CR1: variants seen among roughly 807,000 people sequenced by gnomAD.
The protein encoded by CR1 is complement receptor type 1.
Under a neutral mutation model 187.3 loss-of-function variants are expected in CR1, and 116 were observed. The observed-to-expected ratio is 0.62, with a 90% CI of 0.53 to 0.72. The LOEUF is 0.72. Ranked by LOEUF, CR1 falls within the 30% of genes least tolerant of loss-of-function variation. The pLI is 0.00. For missense variants in CR1, 1,731 were observed against 2,110.7 expected (o/e 0.82, Z 3.52); for synonymous variants, 576 against 747.1 (o/e 0.77, Z 3.73).
intron 46 of CR1, among the ~76,000 whole-genome samples, chr1:207,639,016 A>G (rs892863583): frequency 9.2e-5 from 14 of 152,200 alleles, no homozygotes; most frequent in South Asian, 2.1e-4. Flanking sequence ...GAAAACCCTG[A>G]GGAACAAAGG....
At chr1:207,564,472 A>G (rs1471900795) in intron 23 of CR1, among the ~76,000 whole-genome samples, 2 of 150,242 alleles carry the variant, frequency 1.3e-5, no homozygotes, top group Non-Finnish European at 2.9e-5. Context: ...GGCAAGTATA[A>G]CTAGTGGTTA....
rs1004373685 is a variant in CR1, at chr1:207,566,484, A to G, written c.3952+561A>G. 9.3e-5 allele frequency among the ~76,000 whole-genome samples: 14 copies of G among 150,346 alleles called. 3 individuals are homozygous for G. The highest frequency in any genetic ancestry group is 3.5e-4 in the African/African-American group (14 of 39,776). On this transcript the variant is annotated intron_variant, in intron 24 of 46. Transcript: ENST00000367049. ...GGAGTTATATCAATGAACAAGATGG[A>G]TGAATTCCCTGTCCCCATGTTGTTT...
chr1:207,622,905 A>G (rs181151992), intron 44 of CR1, 88 bp from the exon 45 acceptor site: 2 of 883,572 alleles, frequency 2.3e-6, no homozygotes, highest in East Asian at 5.3e-5. Context: ...AGCATTGGCA[A>G]TCTGTAGTGG....
intron 40 of CR1, among the ~76,000 whole-genome samples, chr1:207,616,236 T>C (rs1461207471): frequency 2.6e-5 from 4 of 152,158 alleles, no homozygotes; most frequent in Non-Finnish European, 5.9e-5. Context: ...TTGAACCTCA[T>C]TGTCAACTCA....
intron 33 of CR1, among the ~76,000 whole-genome samples, chr1:207,586,124 T>TTG (rs3219612): frequency 0.42 from 63,141 of 149,894 alleles, 15,168 homozygotes; most frequent in African/African-American, 0.66. Context: ...TTGTTTTGTT[T>TTG]TGTGTGTGTG....
chr1:207,523,634 A>G lies in CR1; in HGVS notation c.511A>G (p.Thr171Ala). 6 of 1,613,982 alleles carry G rather than the reference A, an allele frequency of 3.7e-6. No individual in the cohort carries two copies. The highest frequency in any genetic ancestry group is 5.1e-6 in the Non-Finnish European group (6 of 1,179,896). ...AGGAATTCCTTGTGGGCTACCCCCC[A>G]CCATCACCAATGGAGATTTCATTAG... ...CDRIPCGLPP[T>A]ITNGDFISTN... Residue 171 changes from threonine (T) to alanine (A), a missense_variant, in exon 5 of 47, where the codon ACC becomes GCC. Coordinates refer to ENST00000367049, the MANE Select transcript of CR1 (RefSeq NM_000651.6).
In CR1 at chr1:207,623,054, A is replaced by C. The variant is rs1662361036; in HGVS notation, c.7338A>C (p.Leu2446=). ...TCATTTTCCTCTCTTGGATAATTCT[A>C]AAGCACAGAAAAGGGTAAGTATAGC... ...LLIIFLSWII[L]KHRKGNNAHE... Residue 2446 remains leucine, a synonymous_variant, in exon 45 of 47, where the codon CTA becomes CTC. Coordinates refer to ENST00000367049, the MANE Select transcript of CR1 (RefSeq NM_000651.6). 1 of 1,574,796 alleles carries C rather than the reference A, an allele frequency of 6.4e-7. No individual in the cohort carries two copies. The highest frequency in any genetic ancestry group is 1.8e-5 in the Admixed American group (1 of 54,604).
At chr1:207,598,599 T>C (rs1571578207) in intron 35 of CR1, among the ~76,000 whole-genome samples, 1 of 152,202 alleles carries the variant, frequency 6.6e-6, no homozygotes, top group South Asian at 2.1e-4. Context: ...TCTGTATTTA[T>C]AGTAGAGACA....
intron 35 of CR1, among the ~76,000 whole-genome samples, chr1:207,590,402 G>A (rs1661236610): frequency 6.6e-6 from 1 of 152,164 alleles, no homozygotes; most frequent in Non-Finnish European, 1.5e-5. Flanking sequence ...TTACAGACAA[G>A]CAAATGCTGA....
chr1:207,496,451 A>T, intron 1 of CR1, 63 bp downstream of exon 1: 2 of 1,513,726 alleles, frequency 1.3e-6, no homozygotes, highest in South Asian at 2.4e-5. Flanking sequence ...CCCCGCAGAG[A>T]ACTCGCGTGC....
At chr1:207,566,570 C>G (rs1221743993) in intron 24 of CR1, among the ~76,000 whole-genome samples, 1 of 150,042 alleles carries the variant, frequency 6.7e-6, no homozygotes, top group Non-Finnish European at 1.5e-5. Context: ...GACAATAGAG[C>G]AAAGCACTGA....
chr1:207,499,750 A>G (rs1345767800), intron 1 of CR1, among the ~76,000 whole-genome samples: 2 of 152,194 alleles, frequency 1.3e-5, no homozygotes, highest in Non-Finnish European at 1.5e-5. Flanking sequence ...AAGGTGCAAG[A>G]TAGAAGGGAA....
chr1:207,594,246 A>G (rs1478313079), intron 35 of CR1, among the ~76,000 whole-genome samples: 1 of 152,238 alleles, frequency 6.6e-6, no homozygotes, highest in African/African-American at 2.4e-5. Context: ...AATGTGGCAC[A>G]TATACACCAT....
chr1:207,602,179 G>A (rs937560334), intron 35 of CR1, among the ~76,000 whole-genome samples: 2 of 151,840 alleles, frequency 1.3e-5, no homozygotes, highest in East Asian at 1.9e-4. Flanking sequence ...CCACAAAGAA[G>A]CACCTTTAAA....
rs570934160 is a variant in CR1, at chr1:207,636,734, T to G, written c.7458-2663T>G. Among the ~76,000 whole-genome samples the G allele has an allele frequency of 3.3e-5, 5 of 152,374 alleles. No individual in the cohort carries two copies. In the South Asian group the frequency reaches 1.0e-3, roughly 32 times the overall value. On this transcript the variant is annotated intron_variant, in intron 46 of 46. Coordinates refer to ENST00000367049, the MANE Select transcript of CR1 (RefSeq NM_000651.6). Reference sequence around the variant, plus strand: ...GTAATTAAAGTAAAAATGAATCTTTTGGATCTATTTAAAATGGCTTTTAAT... The same window carrying G: ...GTAATTAAAGTAAAAATGAATCTTTGGGATCTATTTAAAATGGCTTTTAAT...
At chr1:207,496,673 A>G (rs1280194261) in intron 1 of CR1, among the ~76,000 whole-genome samples, 1 of 152,174 alleles carries the variant, frequency 6.6e-6, no homozygotes, top group Non-Finnish European at 1.5e-5. Flanking sequence ...GCCGCACGAA[A>G]TTCCTTGCCT....
At chr1:207,628,316 C>G (rs1170334256) in intron 45 of CR1, among the ~76,000 whole-genome samples, 1 of 152,138 alleles carries the variant, frequency 6.6e-6, no homozygotes, top group Non-Finnish European at 1.5e-5. Context: ...TGAGCAGGGA[C>G]CACCTATATC....
At chr1:207,633,222 A>C (rs75698544) in intron 46 of CR1, among the ~76,000 whole-genome samples, 3,104 of 152,304 alleles carry the variant, frequency 0.02, 123 homozygotes, top group African/African-American at 0.071. Context: ...TCTCTCTTTG[A>C]AACTCACATT....
chr1:207,588,644 A>G, intron 34 of CR1, 31 bp from the exon 35 acceptor site: 1 of 1,485,362 alleles, frequency 6.7e-7, no homozygotes, highest in Non-Finnish European at 9.4e-7. Flanking sequence ...TGAACTCTAT[A>G]TTTAATCCCA....
Sources: allele counts gnomAD v4.1 joint callset (sites outside exome capture counted in the v4.1 genomes callset), GRCh38; gene constraint gnomAD v4.1.1; transcripts MANE v1.5; gene names NCBI Gene and HGNC (gene_info 2026-07-23, HGNC 2026-07-21).